C8orf76: variants seen among roughly 807,000 people sequenced by gnomAD.
C8orf76 encodes uncharacterized protein C8orf76.
C8orf76 carries 46 observed loss-of-function variants against 38.1 expected under a neutral mutation model. That is an observed-to-expected ratio of 1.21 (90% confidence interval 0.95 to 1.54). C8orf76 has a LOEUF of 1.54. Ranked by LOEUF, C8orf76 falls within the 40% of genes most tolerant of loss-of-function variation. C8orf76 has a pLI of 0.00. For missense variants in C8orf76, 461 were observed against 441.6 expected, an observed-to-expected ratio of 1.04 and a Z score of -0.39; for synonymous variants, 166 against 167.5, an observed-to-expected ratio of 0.99 and a Z score of 0.07.
intron 3 of C8orf76, among the ~76,000 whole-genome samples, chr8:123,233,903 C>T (rs1479798031): frequency 6.6e-6 from 1 of 151,838 alleles, no homozygotes; most frequent in East Asian, 2.0e-4. Flanking sequence ...TGGCGGGCAC[C>T]TGTAGTCCTA....
chr8:123,238,854 G>A, intron 2 of C8orf76, 195 bp downstream of exon 2: 3 of 535,052 alleles, frequency 5.6e-6, no homozygotes, highest in Non-Finnish European at 9.9e-6. Context: ...TTTTGTTGGA[G>A]TTACAGAAAA....
intron 3 of C8orf76, 32 bp downstream of exon 3, chr8:123,237,766 T>G (rs1469159261): frequency 6.2e-7 from 1 of 1,601,686 alleles, no homozygotes; most frequent in East Asian, 2.2e-5. Flanking sequence ...CTTATAGGAA[T>G]GTGTGTGAAA....
chr8:123,241,141 G>T, intron 1 of C8orf76, 89 bp downstream of exon 1: 2 of 1,335,508 alleles, frequency 1.5e-6, no homozygotes, highest in Non-Finnish European at 9.8e-7. Flanking sequence ...TTGCGTTCGC[G>T]CGGACGGAGG....
intron 5 of C8orf76, among the ~76,000 whole-genome samples, chr8:123,225,827 A>C (rs1485450941): frequency 3.3e-5 from 5 of 152,098 alleles, no homozygotes; most frequent in Admixed American, 2.0e-4. Context: ...CGGGAGGCTG[A>C]GACATGAGAA....
rs772056427 is a variant in C8orf76 at position 123,231,583 on chromosome 8, C to G, written c.532G>C (p.Gly178Arg). ...GCAAGTGCTGCTGAAAGAGCTGGCC[C>G]CAGATTCAGGTAAGCCTCTGCCAAT... ...GKLAEAYLNLGPALSAALASS... is the reference protein window; with the variant it reads ...GKLAEAYLNLRPALSAALASS... Residue 178 changes from glycine to arginine, a missense_variant, in exon 4 of 6, where the codon GGG (glycine) becomes CGG (arginine). Gly to Arg is a moderately radical substitution (Grantham distance 125, BLOSUM62 -2). Transcript: ENST00000276704. The G allele has an allele frequency of 6.2e-6, 10 of 1,614,048 alleles. No individual in the cohort carries two copies. The highest frequency in any genetic ancestry group is 7.6e-6 in the Non-Finnish European group (9 of 1,180,048).
chr8:123,230,151 A>T (rs1019348837), intron 4 of C8orf76, among the ~76,000 whole-genome samples: 3 of 152,162 alleles, frequency 2.0e-5, no homozygotes, highest in Admixed American at 6.5e-5. Flanking sequence ...AACATGAGAG[A>T]GTCTGCTTCT....
At chr8:123,239,249 T>G in intron 1 of C8orf76, 105 bp from the exon 2 acceptor site, 1 of 1,261,438 alleles carries the variant, frequency 7.9e-7, no homozygotes, top group Non-Finnish European at 1.1e-6. Flanking sequence ...AAAAAAAGAC[T>G]TCTTCAAGAG....
chr8:123,241,199 G>A (rs1415525811), intron 1 of C8orf76, 31 bp downstream of exon 1: 2 of 1,553,662 alleles, frequency 1.3e-6, no homozygotes, highest in African/African-American at 1.4e-5. Flanking sequence ...CCTGGGGCCC[G>A]GGATAAGGCG....
chr8:123,224,780 G>C (rs1368385928), intron 5 of C8orf76, among the ~76,000 whole-genome samples: 2 of 152,254 alleles, frequency 1.3e-5, no homozygotes, highest in East Asian at 3.9e-4. Flanking sequence ...GCATGGTGAA[G>C]AATACAAAGA....
At chr8:123,226,685 T>A (rs947810827) in intron 4 of C8orf76, 53 bp from the exon 5 acceptor site, 2 of 1,536,868 alleles carry the variant, frequency 1.3e-6, no homozygotes, top group African/African-American at 2.8e-5. Flanking sequence ...CGCTTCCAGA[T>A]AAAGGAAAGC....
At chr8:123,224,536 T>C (rs1824976803) in intron 5 of C8orf76, among the ~76,000 whole-genome samples, 1 of 152,174 alleles carries the variant, frequency 6.6e-6, no homozygotes, top group African/African-American at 2.4e-5. Context: ...CACTTGAGCC[T>C]AGGAATTTCA....
In C8orf76 at chr8:123,220,015, C is replaced by T. The variant is rs1050935213; in HGVS notation, c.*88G>A. On this transcript the variant is annotated 3_prime_UTR_variant, in exon 6 of 6. Coordinates refer to ENST00000276704, the MANE Select transcript of C8orf76 (RefSeq NM_032847.3). ...TATAAAACATAAATAATCATTTATA[C>T]TCCATGATTAGCAATGGATCCTGTC... The T allele has an allele frequency of 5.5e-6, 4 of 721,060 alleles. No homozygotes were observed. The highest frequency in any genetic ancestry group is 2.9e-5 in the Admixed American group (1 of 34,292). The allele number at this position is 721,060 out of a possible 1,614,324, so 44.7% of individuals were successfully genotyped here.
intron 1 of C8orf76, chr8:123,239,755 G>C (rs988833901): frequency 2.0e-5 from 3 of 151,982 alleles, no homozygotes; most frequent in Non-Finnish European, 4.4e-5. Context: ...TTGGGAGGCC[G>C]AGGCGGGCAG....
intron 3 of C8orf76, among the ~76,000 whole-genome samples, chr8:123,234,887 G>GGGA (rs751308973): frequency 1.1e-4 from 16 of 148,618 alleles, no homozygotes; most frequent in Non-Finnish European, 2.1e-4. Context: ...GCTTGAACCT[G>GGGA]GGAGGAGGAG....
At chr8:123,230,114 A>G (rs889504456) in intron 4 of C8orf76, among the ~76,000 whole-genome samples, 1 of 152,214 alleles carries the variant, frequency 6.6e-6, no homozygotes, top group East Asian at 1.9e-4. Flanking sequence ...GAGTTAAAAA[A>G]TCTGTATATT....
intron 5 of C8orf76, among the ~76,000 whole-genome samples, chr8:123,221,700 T>C: frequency 6.6e-6 from 1 of 152,136 alleles, no homozygotes; most frequent in East Asian, 1.9e-4. Context: ...CCTCCCAAAG[T>C]GCTGGGATTA....
In C8orf76 at chr8:123,231,723, G is replaced by A. The variant is rs751697928; in HGVS notation, c.392C>T (p.Thr131Met). The A allele has an allele frequency of 2.5e-5, 41 of 1,610,504 alleles. No homozygotes were observed. The highest frequency in any genetic ancestry group is 3.3e-5 in the Admixed American group (2 of 59,964). ...AATAGCAAGCTGGAGGTAGAGTACC[G>A]TGGTTAAATGGTCTGTGTTGGTTGC... is the stretch of plus-strand genomic sequence containing the variant. Reference protein sequence around the residue: ...NKATNTDHLTTVLYLQLAICS... With the variant: ...NKATNTDHLTMVLYLQLAICS... The change falls in exon 4 of 6, where the codon ACG (threonine) becomes ATG (methionine). Residue 131 changes from threonine to methionine, a missense_variant. By Grantham distance (81) the Thr-to-Met change is moderately conservative. Transcript: ENST00000276704.
chr8:123,241,288 C>A lies in C8orf76; in HGVS notation c.59G>T (p.Arg20Met). The change falls in exon 1 of 6, where the codon AGG becomes ATG. Residue 20 changes from arginine (R) to methionine (M), a missense_variant. By Grantham distance (91) the Arg-to-Met change is moderately conservative. Coordinates refer to ENST00000276704, the MANE Select transcript of C8orf76 (RefSeq NM_032847.3). ...GEFEDSVFEE[R>M]PERRSGPPAS... ...GGGCGGTCCTGACCGCCGCTCCGGC[C>A]TCTCCTCGAACACCGAGTCCTCGAA... The A allele has an allele frequency of 6.3e-7, 1 of 1,581,858 alleles. No homozygotes were observed.
In C8orf76 at chr8:123,237,908, T is replaced by C. The variant is rs757533388; in HGVS notation, c.247A>G (p.Lys83Glu). 4.3e-6 allele frequency: 7 copies of C among 1,613,922 alleles called. No homozygotes were observed. The highest frequency in any genetic ancestry group is 5.1e-6 in the Non-Finnish European group (6 of 1,179,978). The part of the protein sequence containing the change: ...ALQEYSSISE[K>E]LSSTNFAMKR... ...ATGGCAAAATTGGTTGATGACAATT[T>C]TTCAGAGATACTGGAATACTCCTGC... is the stretch of plus-strand genomic sequence containing the variant. The change falls in exon 3 of 6, where the codon AAA becomes GAA. Residue 83 changes from lysine to glutamate, a missense_variant. By Grantham distance (56) the Lys-to-Glu change is moderately conservative. Coordinates refer to ENST00000276704, the MANE Select transcript of C8orf76 (RefSeq NM_032847.3).
Sources: gnomAD v4.1 joint callset for allele counts (sites outside exome capture counted in the v4.1 genomes callset) on GRCh38, gnomAD v4.1.1 for gene constraint, MANE v1.5 for transcripts, NCBI Gene and HGNC (gene_info 2026-07-23, HGNC 2026-07-21) for gene names.